KIAA0319L: variants seen among roughly 807,000 people sequenced by gnomAD.
KIAA0319L encodes KIAA0319 like.
A neutral mutation model predicts 120.1 loss-of-function variants in KIAA0319L; 55 were observed. The observed-to-expected ratio is 0.46, with a 90% CI of 0.37 to 0.57. The LOEUF is 0.57. Among genes scored for constraint, KIAA0319L ranks in the 20% least tolerant of loss-of-function variants. KIAA0319L has a pLI of 0.00. For synonymous variants in KIAA0319L, 398 were observed against 471.9 expected, an observed-to-expected ratio of 0.84 and a Z score of 2.03; for missense variants, 1,049 against 1,255.3, an observed-to-expected ratio of 0.84 and a Z score of 2.48.
chr1:35,453,519 A>G lies in KIAA0319L; in HGVS notation c.1913+38T>C, dbSNP rs746316545. The G allele has an allele frequency of 1.0e-4, 165 of 1,609,116 alleles. No individual in the cohort carries two copies. Among genetic ancestry groups the G allele is most frequent in the Non-Finnish European group, 1.0e-4 (118 of 1,175,936 alleles). On this transcript the variant is annotated intron_variant, in intron 12 of 20. Coordinates refer to ENST00000325722, the MANE Select transcript of KIAA0319L (RefSeq NM_024874.5). The surrounding 1 kb of genome is among the most constrained non-coding windows in gnomAD (Gnocchi z 4.1). ...AAAACCTTGCTCTTCCAAGGTCTGG[A>G]GGCTTTGCAAAAATAAGGATTTTGT...
intron 2 of KIAA0319L, among the ~76,000 whole-genome samples, chr1:35,546,679 T>A (rs923696157): frequency 2.0e-5 from 3 of 152,236 alleles, no homozygotes; most frequent in Admixed American, 6.5e-5. Flanking sequence ...CTAGTCCTTG[T>A]CTCCAACTGT....
At chr1:35,471,236 C>T (rs1307361764) in intron 5 of KIAA0319L, among the ~76,000 whole-genome samples, 1 of 152,162 alleles carries the variant, frequency 6.6e-6, no homozygotes, top group African/African-American at 2.4e-5. Flanking sequence ...CTAAAAAATA[C>T]CAGGTTGCTC....
chr1:35,554,047 G>C (rs962140508), intron 2 of KIAA0319L, among the ~76,000 whole-genome samples: 1 of 152,184 alleles, frequency 6.6e-6, no homozygotes, highest in Non-Finnish European at 1.5e-5. Flanking sequence ...CTTCCTCAAA[G>C]ATAATAGGTA....
intron 8 of KIAA0319L, among the ~76,000 whole-genome samples, chr1:35,460,890 C>G (rs41306599): frequency 1.8e-4 from 27 of 152,258 alleles, no homozygotes; most frequent in Admixed American, 1.0e-3. Flanking sequence ...CTGACACAAC[C>G]TCTATAATGA....
chr1:35,532,310 C>CT (rs1489001869), intron 2 of KIAA0319L, among the ~76,000 whole-genome samples: 1 of 151,052 alleles, frequency 6.6e-6, no homozygotes, highest in Non-Finnish European at 1.5e-5. Context: ...GGGATTTTGA[C>CT]TGAGTTTTTA....
At chr1:35,472,135 T>C (rs572678665) in intron 5 of KIAA0319L, among the ~76,000 whole-genome samples, 1 of 152,306 alleles carries the variant, frequency 6.6e-6, no homozygotes, top group African/African-American at 2.4e-5. Flanking sequence ...GCTAGCAACA[T>C]AAATTTCAAA....
chr1:35,530,124 C>T (rs1646306236), intron 2 of KIAA0319L, among the ~76,000 whole-genome samples: 1 of 151,996 alleles, frequency 6.6e-6, no homozygotes, highest in South Asian at 2.1e-4. Flanking sequence ...CACCCTCAGC[C>T]TCACAGGTTC....
At chr1:35,532,897 G>A (rs1646427689) in intron 2 of KIAA0319L, among the ~76,000 whole-genome samples, 1 of 152,166 alleles carries the variant, frequency 6.6e-6, no homozygotes, top group South Asian at 2.1e-4. Context: ...TAGCAAAGCA[G>A]AGAAAGCAGT....
intron 20 of KIAA0319L, 128 bp downstream of exon 20, chr1:35,440,919 G>A (rs1641160788): frequency 1.2e-6 from 1 of 813,190 alleles, no homozygotes; most frequent in Non-Finnish European, 2.1e-6. Flanking sequence ...TCTTCATCAG[G>A]CAAAAGGGAA....
intron 9 of KIAA0319L, among the ~76,000 whole-genome samples, chr1:35,457,847 C>A (rs1447426198): frequency 6.6e-6 from 1 of 152,214 alleles, no homozygotes; most frequent in Non-Finnish European, 1.5e-5. Flanking sequence ...CAAACATGTA[C>A]CAATCAGCAG....
intron 2 of KIAA0319L, among the ~76,000 whole-genome samples, chr1:35,553,600 A>T (rs1283784113): frequency 6.6e-6 from 1 of 152,276 alleles, no homozygotes; most frequent in East Asian, 1.9e-4. Flanking sequence ...TGGTCTCTAC[A>T]GCAGAAGGTT....
At chr1:35,510,298 C>T (rs1645377540) in intron 2 of KIAA0319L, 3 of 151,774 alleles carry the variant, frequency 2.0e-5, no homozygotes, top group Admixed American at 6.6e-5. Context: ...AAGCACTCAA[C>T]ATTTATTAAT....
chr1:35,450,674 C>T (rs1267732355), intron 13 of KIAA0319L, among the ~76,000 whole-genome samples, 165 bp from the exon 14 acceptor site: 7 of 152,206 alleles, frequency 4.6e-5, no homozygotes, highest in East Asian at 3.8e-4. Flanking sequence ...AAGCTACCAG[C>T]GCTGCAGTCC....
rs959379426 is a variant in KIAA0319L at position 35,471,708 on chromosome 1, T to C, written c.1016-748A>G. On this transcript the variant is annotated intron_variant, in intron 5 of 20. Transcript: ENST00000325722. ...GGAAGGGAGGACTTTGGTAGGAAGGTTTAGTTTAAGTTACTAACCAAAAGT... is the reference window on the plus strand; with the variant it reads ...GGAAGGGAGGACTTTGGTAGGAAGGCTTAGTTTAAGTTACTAACCAAAAGT... 2.6e-5 allele frequency among the ~76,000 whole-genome samples: 4 copies of C among 152,186 alleles called. No homozygotes were observed. The South Asian group carries it at 6.2e-4, about 24-fold the overall frequency.
intron 2 of KIAA0319L, among the ~76,000 whole-genome samples, chr1:35,534,564 G>C (rs1646493418): frequency 6.6e-6 from 1 of 152,098 alleles, no homozygotes; most frequent in Non-Finnish European, 1.5e-5. Context: ...CTGTTGAAAA[G>C]AATAACAATC....
chr1:35,512,796 CAGG>C (rs1180068765), intron 2 of KIAA0319L, among the ~76,000 whole-genome samples: 1 of 145,668 alleles, frequency 6.9e-6, no homozygotes, highest in African/African-American at 2.6e-5. Flanking sequence ...TTGCCTCACC[CAGG>C]AGGTGGAGGT....
intron 20 of KIAA0319L, among the ~76,000 whole-genome samples, chr1:35,438,389 C>A (rs1640947227): frequency 6.6e-6 from 1 of 152,122 alleles, no homozygotes; most frequent in Admixed American, 6.5e-5. Flanking sequence ...AGACCACTAA[C>A]CTCATCAAGT....
At chr1:35,473,403 A>C (rs1643761265) in intron 5 of KIAA0319L, among the ~76,000 whole-genome samples, 1 of 152,294 alleles carries the variant, frequency 6.6e-6, no homozygotes, top group African/African-American at 2.4e-5. Context: ...TGGCCAAAGA[A>C]TCTATTTCTA....
intron 7 of KIAA0319L, among the ~76,000 whole-genome samples, chr1:35,464,680 A>G (rs1643128408): frequency 6.6e-6 from 1 of 152,330 alleles, no homozygotes; most frequent in East Asian, 1.9e-4. Flanking sequence ...GAAAATGGGG[A>G]AAATGTCTCT....
Sources: allele counts gnomAD v4.1 joint callset (sites outside exome capture counted in the v4.1 genomes callset), GRCh38; gene constraint gnomAD v4.1.1; non-coding constraint Gnocchi (gnomAD v3.1); transcripts MANE v1.5; gene names NCBI Gene and HGNC (gene_info 2026-07-23, HGNC 2026-07-21).